SLC44A5: variants seen among roughly 807,000 people sequenced by gnomAD.
SLC44A5 encodes the protein solute carrier family 44 member 5.
SLC44A5 carries 57 observed loss-of-function variants against 101.8 expected under a neutral mutation model. The observed-to-expected ratio is 0.56, with a 90% CI of 0.45 to 0.70. The LOEUF (loss-of-function observed/expected upper bound fraction) is 0.70. SLC44A5 is among the 30% of genes least tolerant of loss of function. The pLI, the probability that SLC44A5 is intolerant of heterozygous loss-of-function variation, is 0.00. For missense variants in SLC44A5, 737 were observed against 853.1 expected (o/e 0.86, Z 1.70); for synonymous variants, 281 against 290.9 (o/e 0.97, Z 0.35).
intron 2 of SLC44A5, among the ~76,000 whole-genome samples, chr1:75,457,097 A>G (rs1007095467): frequency 6.6e-6 from 1 of 152,204 alleles, no homozygotes; most frequent in African/African-American, 2.4e-5. Context: ...ACTTTTATTC[A>G]AATACTATGT....
the SLC44A5 span, among the ~76,000 whole-genome samples, chr1:75,664,200 T>C: frequency 6.6e-6 from 1 of 152,024 alleles, no homozygotes; most frequent in African/African-American, 2.4e-5. Flanking sequence ...CACCAACATC[T>C]TACTGAATAG....
At chr1:75,326,370 T>C (rs1293849866) in intron 4 of SLC44A5, among the ~76,000 whole-genome samples, 4 of 151,932 alleles carry the variant, frequency 2.6e-5, no homozygotes, top group Non-Finnish European at 4.4e-5. Context: ...TTAAATCTTA[T>C]CTTTAAAATA....
At chr1:75,377,399 T>C (rs1161340127) in intron 3 of SLC44A5, among the ~76,000 whole-genome samples, 2 of 30,804 alleles carry the variant, frequency 6.5e-5, no homozygotes, top group Non-Finnish European at 1.3e-4. Context: ...CAGGGACCTC[T>C]GCCTAGGAAA....
chr1:75,645,357 T>C, the SLC44A5 span, among the ~76,000 whole-genome samples: 19 of 152,174 alleles, frequency 1.2e-4, no homozygotes, highest in African/African-American at 4.6e-4. Flanking sequence ...TGGTTTTGAT[T>C]TGCATTTCTC....
intron 1 of SLC44A5, among the ~76,000 whole-genome samples, chr1:75,543,809 A>G (rs999678837): frequency 3.3e-5 from 5 of 151,812 alleles, no homozygotes; most frequent in Non-Finnish European, 2.9e-5. Flanking sequence ...GCTAAATTGT[A>G]CTGACAAATA....
At chr1:75,254,351 T>C (rs1249454157) in intron 6 of SLC44A5, among the ~76,000 whole-genome samples, 1 of 152,124 alleles carries the variant, frequency 6.6e-6, no homozygotes, top group Non-Finnish European at 1.5e-5. Context: ...ACCTCAGATT[T>C]TTTAGGTGCA....
At chr1:75,388,941 C>T (rs1661597432) in intron 3 of SLC44A5, among the ~76,000 whole-genome samples, 1 of 152,004 alleles carries the variant, frequency 6.6e-6, no homozygotes, top group South Asian at 2.1e-4. Flanking sequence ...TGTGTAACAA[C>T]ACCTATAGGC....
intron 2 of SLC44A5, among the ~76,000 whole-genome samples, chr1:75,491,141 G>T (rs888009881): frequency 6.6e-6 from 1 of 152,046 alleles, no homozygotes; most frequent in Non-Finnish European, 1.5e-5. Context: ...CCTAACCCTG[G>T]CAAATGAGCT....
intron 1 of SLC44A5, among the ~76,000 whole-genome samples, chr1:75,554,580 T>C (rs1290780361): frequency 6.6e-6 from 1 of 151,852 alleles, no homozygotes; most frequent in Admixed American, 6.6e-5. Context: ...ACAAGATACA[T>C]TTGAAGAAAT....
chr1:75,455,127 T>C (rs986572247), intron 2 of SLC44A5, among the ~76,000 whole-genome samples: 2 of 151,990 alleles, frequency 1.3e-5, no homozygotes, highest in Admixed American at 1.3e-4. Flanking sequence ...AACTATATTA[T>C]AAGGTTGTAG....
At chr1:75,381,921 T>C (rs1307802136) in intron 3 of SLC44A5, among the ~76,000 whole-genome samples, 1 of 82,024 alleles carries the variant, frequency 1.2e-5, no homozygotes, top group Non-Finnish European at 2.1e-5. Flanking sequence ...ATTCTTCTGT[T>C]CAGTCAGTAA....
At chr1:75,410,004 C>T (rs952471579) in intron 2 of SLC44A5, among the ~76,000 whole-genome samples, 1 of 152,112 alleles carries the variant, frequency 6.6e-6, no homozygotes, top group African/African-American at 2.4e-5. Context: ...CTGTTCCTAC[C>T]TCTCAATGCT....
the SLC44A5 span, among the ~76,000 whole-genome samples, chr1:75,633,705 C>A: frequency 6.6e-6 from 1 of 151,572 alleles, no homozygotes; most frequent in African/African-American, 2.4e-5. Context: ...AATTGAATAC[C>A]CTTTATTTCC....
chr1:75,216,260 G>A (rs1646960118), intron 18 of SLC44A5, among the ~76,000 whole-genome samples: 1 of 151,960 alleles, frequency 6.6e-6, no homozygotes. Context: ...TTAGCATGAT[G>A]TCGTCAAGGG....
chr1:75,271,605 T>C (rs1401072363), intron 6 of SLC44A5, among the ~76,000 whole-genome samples: 1 of 152,064 alleles, frequency 6.6e-6, no homozygotes. Context: ...CTTAGAATAA[T>C]GGCTTCCAGC....
At chr1:75,541,701 C>G (rs1028681350) in intron 1 of SLC44A5, among the ~76,000 whole-genome samples, 185 bp from the exon 2 acceptor site, 2 of 152,090 alleles carry the variant, frequency 1.3e-5, no homozygotes, top group Non-Finnish European at 2.9e-5. Flanking sequence ...GGAGAAGCAG[C>G]CTTTCTCCTT....
chr1:75,385,658 A>T (rs868663029), intron 3 of SLC44A5, among the ~76,000 whole-genome samples: 14 of 152,338 alleles, frequency 9.2e-5, no homozygotes, highest in Middle Eastern at 3.4e-3. Context: ...ATTCCTTCTG[A>T]AATTATTCCA....
At chr1:75,710,024 T>C in the SLC44A5 span, 5 of 152,174 alleles carry the variant, frequency 3.3e-5, no homozygotes, top group African/African-American at 9.7e-5. Flanking sequence ...TCCATTTATA[T>C]AAAATTCTAG....
At chr1:75,679,198 A>G in the SLC44A5 span, among the ~76,000 whole-genome samples, 1 of 152,206 alleles carries the variant, frequency 6.6e-6, no homozygotes, top group South Asian at 2.1e-4. Flanking sequence ...GCAGGATATT[A>G]TCCAGGAGAA....
Sources: allele counts gnomAD v4.1 joint callset (sites outside exome capture counted in the v4.1 genomes callset), GRCh38; gene constraint gnomAD v4.1.1; transcripts MANE v1.5; gene names NCBI Gene and HGNC (gene_info 2026-07-23, HGNC 2026-07-21).